The following FAM83A variants were observed in gnomAD, a reference collection of about 807,000 sequenced individuals.
The protein encoded by FAM83A is scaffolding CK1 anchoring protein A.
In FAM83A, 21 loss-of-function variants were observed where a neutral mutation model predicts 24.4. The observed-to-expected ratio is 0.86, with a 90% CI of 0.61 to 1.24. FAM83A has a LOEUF of 1.24. FAM83A is among the 50% of genes most tolerant of loss of function. FAM83A has a pLI of 0.00. For synonymous variants in FAM83A, 270 were observed against 252.4 expected (o/e 1.07, Z -0.66); for missense variants, 617 against 579.8 (o/e 1.06, Z -0.66).
chr8:123,207,896 C>T (rs1824619672), exon 4 of FAM83A: 4 of 1,309,240 alleles, frequency 3.1e-6, no homozygotes, highest in Admixed American at 3.7e-5. Context: ...TTGACCTGTG[C>T]AGCACATTCC....
exon 4 of FAM83A, chr8:123,208,955 C>T (rs1824648179): frequency 5.1e-6 from 5 of 982,692 alleles, no homozygotes; most frequent in Non-Finnish European, 6.0e-6. Context: ...CAAAGCAAGA[C>T]TCCGTCACAG....
exon 4 of FAM83A, chr8:123,207,472 G>C: frequency 6.3e-7 from 1 of 1,587,478 alleles, no homozygotes; most frequent in Non-Finnish European, 8.5e-7. Context: ...CCCCACACCC[G>C]CCTCCACCGC....
intron 3 of FAM83A, among the ~76,000 whole-genome samples, chr8:123,204,808 T>C (rs1448992563): frequency 2.8e-5 from 4 of 143,556 alleles, no homozygotes; most frequent in Non-Finnish European, 6.1e-5. Flanking sequence ...TGGGCTGTGA[T>C]CAAAAGTATA....
chr8:123,194,699 G>A (rs1436947135), intron 3 of FAM83A, among the ~76,000 whole-genome samples: 1 of 152,200 alleles, frequency 6.6e-6, no homozygotes, highest in Non-Finnish European at 1.5e-5. Context: ...GGCCAGGCTG[G>A]TCTCAAACTC....
Position 123,207,949 on chromosome 8 carries a change from C to A in FAM83A, c.*261C>A, listed in dbSNP as rs967657217. ...TTGTGGGGCAGCTAGAGGACAAAAT[C>A]ATGAAAACAGAGTCCCTGTCTTCCA... On this transcript the variant is annotated 3_prime_UTR_variant, in exon 4 of 4. Coordinates refer to ENST00000690554, the Ensembl canonical transcript of FAM83A. 34 of 1,229,902 alleles carry A rather than the reference C, an allele frequency of 2.8e-5. 1 individual carries two copies. Among genetic ancestry groups the A allele is most frequent in the Admixed American group, 2.5e-4 (6 of 24,252 alleles). 76.2% of individuals were successfully genotyped at this position (1,229,902 alleles called of 1,614,324 possible).
chr8:123,190,125 G>A (rs1181393012), intron 1 of FAM83A, among the ~76,000 whole-genome samples: 1 of 151,164 alleles, frequency 6.6e-6, no homozygotes, highest in Non-Finnish European at 1.5e-5. Context: ...CCAACAGTTC[G>A]AGACCAGCCT....
At chr8:123,197,231 G>C (rs911199783) in intron 3 of FAM83A, among the ~76,000 whole-genome samples, 4 of 152,126 alleles carry the variant, frequency 2.6e-5, no homozygotes, top group Admixed American at 1.3e-4. Context: ...GTCCTCAAAC[G>C]TTATAGAATT....
At chr8:123,190,217 GAAGA>G (rs887577691) in intron 1 of FAM83A, among the ~76,000 whole-genome samples, 23 of 151,934 alleles carry the variant, frequency 1.5e-4, no homozygotes, top group South Asian at 2.1e-4. Flanking sequence ...AAGAAAGAAA[GAAGA>G]AAGAAAGAAA....
At chr8:123,195,094 A>G (rs1262672235) in intron 3 of FAM83A, among the ~76,000 whole-genome samples, 1 of 152,186 alleles carries the variant, frequency 6.6e-6, no homozygotes, top group Non-Finnish European at 1.5e-5. Context: ...GCAATTGAGG[A>G]AGGGAGGAAC....
exon 4 of FAM83A, chr8:123,208,295 G>A (rs763606315): frequency 2.8e-5 from 28 of 985,494 alleles, no homozygotes; most frequent in Non-Finnish European, 3.4e-5. Flanking sequence ...GTTGTATGGG[G>A]GAGCCATCTG....
intron 3 of FAM83A, among the ~76,000 whole-genome samples, chr8:123,197,634 C>T (rs771500897): frequency 1.3e-5 from 2 of 152,306 alleles, no homozygotes; most frequent in South Asian, 2.1e-4. Context: ...ATTCTTGCAG[C>T]GCTCTTGACA....
chr8:123,192,064 TA>T, intron 2 of FAM83A, 94 bp downstream of exon 2: 1 of 1,379,034 alleles, frequency 7.3e-7, no homozygotes, highest in Non-Finnish European at 1.0e-6. Flanking sequence ...CTTGTGTTAA[TA>T]GCTTAACACA....
intron 2 of FAM83A, among the ~76,000 whole-genome samples, chr8:123,192,359 C>T (rs1437886814): frequency 6.6e-6 from 1 of 152,174 alleles, no homozygotes; most frequent in Non-Finnish European, 1.5e-5. Context: ...CAGTTCTCCT[C>T]TCAGCTGGGG....
chr8:123,203,586 CAAAAA>C (rs1187426797), intron 3 of FAM83A, among the ~76,000 whole-genome samples: 45 of 41,178 alleles, frequency 1.1e-3, no homozygotes, highest in African/African-American at 3.1e-3. Context: ...AGATCTGTCT[CAAAAA>C]AAAAAAAAAA....
chr8:123,191,239 T>C (rs1020411031), intron 1 of FAM83A, among the ~76,000 whole-genome samples: 21 of 152,218 alleles, frequency 1.4e-4, no homozygotes, highest in African/African-American at 5.1e-4. Flanking sequence ...CCCCAGTTTC[T>C]ACTGTGACAC....
intron 3 of FAM83A, among the ~76,000 whole-genome samples, chr8:123,195,178 G>T (rs746113845): frequency 6.6e-6 from 1 of 152,144 alleles, no homozygotes; most frequent in African/African-American, 2.4e-5. Context: ...AGGGCAACTG[G>T]TTACATCTTT....
intron 1 of FAM83A, among the ~76,000 whole-genome samples, chr8:123,187,843 ATTTTTATTTTTTATT>A (rs1336999504): frequency 1.3e-3 from 200 of 151,796 alleles, no homozygotes; most frequent in African/African-American, 4.7e-3. Flanking sequence ...TTGCTCTTTT[ATTTTTATTTTTTATT>A]TTTTTATTTT....
intron 3 of FAM83A, among the ~76,000 whole-genome samples, chr8:123,194,672 C>T (rs761506314): frequency 5.9e-5 from 9 of 152,114 alleles, no homozygotes; most frequent in South Asian, 2.1e-4. Context: ...TTAGTAGAGA[C>T]GGGGTTTCAT....
chr8:123,191,901 G>C, exon 2 of FAM83A: 1 of 1,614,172 alleles, frequency 6.2e-7, no homozygotes. Flanking sequence ...GTGTGCTCCT[G>C]GACCAGGGAG....
Sources: allele counts gnomAD v4.1 joint callset (sites outside exome capture counted in the v4.1 genomes callset), GRCh38; gene constraint gnomAD v4.1.1; transcripts MANE v1.5; gene names NCBI Gene and HGNC (gene_info 2026-07-23, HGNC 2026-07-21).